Variants in NBPF19 observed in about 807,000 individuals in gnomAD.
The protein encoded by NBPF19 is NBPF family member NBPF19.
Under a neutral mutation model 45.9 loss-of-function variants are expected in NBPF19, and 30 were observed. That is an observed-to-expected ratio of 0.65 (90% CI 0.49 to 0.89). The LOEUF (loss-of-function observed/expected upper bound fraction) is 0.89. Ranked by LOEUF, NBPF19 falls within the 40% of genes least tolerant of loss-of-function variation. The pLI, the probability that NBPF19 is intolerant of heterozygous loss-of-function variation, is 0.00. For synonymous variants in NBPF19, 183 were observed against 181.2 expected (o/e 1.01, Z -0.08); for missense variants, 495 against 471.8 (o/e 1.05, Z -0.46).
In NBPF19 at chr1:149,478,672, G is replaced by A. The variant is rs2084992767; in HGVS notation, c.279-208G>A. On this transcript the variant is annotated intron_variant, in intron 3 of 93. Transcript: ENST00000651566. ...AGAAAGATGAATGGAACATCATCGA[G>A]GATCTTGCAGGAGCCCTCTCTGATA... Among the ~76,000 whole-genome samples the A allele has an allele frequency of 1.3e-5, 2 of 150,806 alleles. 1 individual carries two copies. Among genetic ancestry groups the A allele is most frequent in the South Asian group, 4.2e-4 (2 of 4,792 alleles).
In NBPF19 at chr1:149,554,673, T is replaced by G; in HGVS notation, c.11467T>G (p.Phe3823Val). 6.2e-7 allele frequency: 1 copy of G among 1,608,130 alleles called. No homozygotes were observed. Among genetic ancestry groups the G allele is most frequent in the Non-Finnish European group, 8.5e-7 (1 of 1,176,674 alleles). The change falls in exon 94 of 94, where the codon TTT (phenylalanine) becomes GTT (valine). Residue 3823 changes from phenylalanine to valine, a missense_variant. Physicochemically the swap from Phe to Val is conservative, Grantham distance 50. Transcript: ENST00000651566. ...ISFALYLDNR[F>V]FTLTVTSLHL... ...CTTCGCCCTTTACTTGGACAATAGG[T>G]TTTTTACTTTGACGGTGACAAGTCT... is the stretch of plus-strand genomic sequence containing the variant.
chr1:149,487,420 T>A (rs2085601378), intron 9 of NBPF19, 37 bp downstream of exon 9: 2 of 1,116,698 alleles, frequency 1.8e-6, no homozygotes, highest in African/African-American at 3.1e-5. Flanking sequence ...AATTTGATGT[T>A]GACACCTGGA....
chr1:149,487,768 G>A (rs1312399597), intron 9 of NBPF19, among the ~76,000 whole-genome samples: 2 of 141,570 alleles, frequency 1.4e-5, no homozygotes, highest in Admixed American at 7.1e-5. Context: ...AATTGACTGA[G>A]CTCGCTCTGT....
chr1:149,488,116 T>G lies in NBPF19; in HGVS notation c.1144T>G (p.Cys382Gly). Residue 382 changes from cysteine (C) to glycine (G), a missense_variant, in exon 10 of 94, where the codon TGC (cysteine) becomes GGC (glycine). Physicochemically the swap from Cys to Gly is radical, Grantham distance 159. Transcript: ENST00000651566. ...AGGTTGTCTTGAACTGACTGACTCA[T>G]GCCAGCCCTACAGAAGTGCCTTTTA... is the stretch of plus-strand genomic sequence containing the variant. ...PSGCLELTDS[C>G]QPYRSAFYVL... 1 of 668,448 alleles carries G rather than the reference T, an allele frequency of 1.5e-6. No individual in the cohort carries two copies. The highest frequency in any genetic ancestry group is 1.6e-5 in the South Asian group (1 of 61,144). The allele number at this position is 668,448 out of a possible 1,614,324, so 41.4% of individuals were successfully genotyped here.
At position 149,554,899 on chromosome 1, in the gene NBPF19, G is replaced by C. The variant is rs1397448849; in HGVS notation, c.*161G>C. The C allele has an allele frequency of 1.9e-4, 254 of 1,361,672 alleles. 7 individuals carry two copies. The highest frequency in any genetic ancestry group is 1.7e-4 in the Non-Finnish European group (172 of 989,564). The allele number at this position is 1,361,672 out of a possible 1,614,324, so 84.3% of individuals were successfully genotyped here. A position where few individuals can be genotyped will look rare whatever the true frequency, so the allele number is the denominator to read the frequency against. Reference sequence around the variant, plus strand: ...TCAAACCATGCCAGTGGCAACCTGTGCTCAGTCTGAAGACAATGGACCCAC... The same window carrying C: ...TCAAACCATGCCAGTGGCAACCTGTCCTCAGTCTGAAGACAATGGACCCAC... On this transcript the variant is annotated 3_prime_UTR_variant, in exon 94 of 94. Transcript: ENST00000651566.
intron 9 of NBPF19, 66 bp downstream of exon 9, chr1:149,487,449 A>G: frequency 1.1e-6 from 1 of 927,328 alleles, no homozygotes; most frequent in Non-Finnish European, 1.8e-6. Context: ...GTCCAGGGAA[A>G]ACAGTACATG....
chr1:149,554,041 C>T (rs1196493207), intron 93 of NBPF19, among the ~76,000 whole-genome samples, 159 bp downstream of exon 93: 1 of 110,448 alleles, frequency 9.1e-6, no homozygotes, highest in African/African-American at 3.4e-5. Context: ...GTTTAGGTTT[C>T]CATTTCTTCC....
chr1:149,487,486 G>A, intron 9 of NBPF19, 103 bp downstream of exon 9: 1 of 1,002,818 alleles, frequency 1.0e-6, no homozygotes, highest in South Asian at 1.3e-5. Context: ...TGTCTTGTCA[G>A]ACAAGTCTGA....
chr1:149,554,402 T>C (rs2087175123), intron 93 of NBPF19, 93 bp from the exon 94 acceptor site: 2 of 1,604,312 alleles, frequency 1.2e-6, no homozygotes, highest in Non-Finnish European at 8.5e-7. Flanking sequence ...TTTTCTTTTC[T>C]AACCACTTCC....
intron 93 of NBPF19, 67 bp from the exon 94 acceptor site, chr1:149,554,428 A>T: frequency 1.9e-6 from 3 of 1,607,472 alleles, no homozygotes; most frequent in Non-Finnish European, 2.6e-6. Flanking sequence ...TGACTTCTGA[A>T]ATCTAGTGGG....
Position 149,554,839 on chromosome 1 carries a change from AGGATG to A in NBPF19, c.*104_*108del. 1 of 1,576,540 alleles carries A rather than the reference AGGATG, an allele frequency of 6.3e-7. No homozygotes were observed. The highest frequency in any genetic ancestry group is 8.7e-7 in the Non-Finnish European group (1 of 1,154,882). ...CAGTTCCATTTGGAAGCCCAGACAT[AGGATG>A]GGTCAGTGGGCATGGCTCTTTTCCT... is the stretch of plus-strand genomic sequence containing the variant. On this transcript the variant is annotated 3_prime_UTR_variant, in exon 94 of 94. Transcript: ENST00000651566.
rs2101733585 is a variant in NBPF19 at position 149,554,665 on chromosome 1, A to T, written c.11459A>T (p.Asp3820Val). 4 of 1,608,204 alleles carry T rather than the reference A, an allele frequency of 2.5e-6. No individual in the cohort carries two copies. The highest frequency in any genetic ancestry group is 3.4e-6 in the Non-Finnish European group (4 of 1,176,710). ...CATATCAGCTTCGCCCTTTACTTGG[A>T]CAATAGGTTTTTTACTTTGACGGTG... ...EEHISFALYL[D>V]NRFFTLTVTS... Residue 3820 changes from aspartate to valine, a missense_variant, in exon 94 of 94, where the codon GAC (aspartate) becomes GTC (valine). Transcript: ENST00000651566.
At chr1:149,477,247 G>A (rs2084894733) in intron 2 of NBPF19, among the ~76,000 whole-genome samples, 1 of 150,760 alleles carries the variant, frequency 6.6e-6, no homozygotes, top group South Asian at 2.1e-4. Flanking sequence ...CAATCTCCTT[G>A]AACATTAATT....
At chr1:149,483,893 TTGG>T (rs1248812459) in intron 7 of NBPF19, among the ~76,000 whole-genome samples, 2 of 28,190 alleles carry the variant, frequency 7.1e-5, no homozygotes, top group African/African-American at 1.5e-4. Flanking sequence ...TTTTACACTG[TTGG>T]TGGGACTGTA....
At position 149,554,790 on chromosome 1, in the gene NBPF19, C is replaced by T. The variant is rs1436924205; in HGVS notation, c.*52C>T. The T allele has an allele frequency of 2.5e-6, 4 of 1,605,774 alleles. No homozygotes were observed. The African/African-American group carries it at 4.0e-5, about 16-fold the overall frequency. ...CATTCCTGCAGGCAGGACCTATAGG[C>T]ACGTGAAGATTTGAATGAAACTACA... On this transcript the variant is annotated 3_prime_UTR_variant, in exon 94 of 94. Coordinates refer to ENST00000651566, the MANE Select transcript of NBPF19 (RefSeq NM_001351365.2).
At position 149,554,540 on chromosome 1, in the gene NBPF19, G is replaced by T. The variant is rs1372844056; in HGVS notation, c.11334G>T (p.Gln3778His). Residue 3778 changes from glutamine (Q) to histidine (H), a missense_variant, in exon 94 of 94, where the codon CAG becomes CAT. Coordinates refer to ENST00000651566, the MANE Select transcript of NBPF19 (RefSeq NM_001351365.2). ...LMEVEEPEVL[Q>H]DSLDGCYSTP... Reference sequence around the variant, plus strand: ...AAGTGGAAGAGCCTGAAGTCTTACAGGACTCACTGGATGGATGTTATTCGA... The same window carrying T: ...AAGTGGAAGAGCCTGAAGTCTTACATGACTCACTGGATGGATGTTATTCGA... 16 of 1,608,086 alleles carry T rather than the reference G, an allele frequency of 9.9e-6. 2 individuals are homozygous for T. In the Admixed American group the frequency reaches 1.3e-4, roughly 13 times the overall value.
chr1:149,554,990 T>C lies in NBPF19; in HGVS notation c.*252T>C, dbSNP rs1298770477. Reference sequence around the variant, plus strand: ...GGGAGTGATCAGTCGGACATTTTAATTTGAACCACGTATCTTTGGGTAGCT... The same window carrying C: ...GGGAGTGATCAGTCGGACATTTTAACTTGAACCACGTATCTTTGGGTAGCT... On this transcript the variant is annotated 3_prime_UTR_variant, in exon 94 of 94. Transcript: ENST00000651566. The C allele has an allele frequency of 2.3e-5, 15 of 661,034 alleles. No individual in the cohort carries two copies. In the African/African-American group the frequency reaches 2.5e-4, roughly 11 times the overall value. 40.9% of individuals were successfully genotyped at this position (661,034 alleles called of 1,614,324 possible).
intron 17 of NBPF19, among the ~76,000 whole-genome samples, chr1:149,494,095 T>C (rs2085982176): frequency 1.5e-5 from 2 of 135,416 alleles, no homozygotes; most frequent in African/African-American, 6.5e-5. Flanking sequence ...CACTTTCTCC[T>C]CTCTCTCTCT....
intron 8 of NBPF19, among the ~76,000 whole-genome samples, chr1:149,487,015 G>A (rs2085560707): frequency 6.6e-6 from 1 of 150,608 alleles, no homozygotes; most frequent in African/African-American, 2.4e-5. Flanking sequence ...TAATATTGAA[G>A]TATCTCTCCT....
Sources: gnomAD v4.1 joint callset for allele counts (sites outside exome capture counted in the v4.1 genomes callset) on GRCh38, gnomAD v4.1.1 for gene constraint, MANE v1.5 for transcripts, NCBI Gene and HGNC (gene_info 2026-07-23, HGNC 2026-07-21) for gene names.